The following ASTN2 variants were observed in gnomAD, a reference collection of about 807,000 sequenced individuals.
ASTN2 encodes the protein astrotactin-2.
In ASTN2, 54 loss-of-function variants were observed where a neutral mutation model predicts 139.8. The ratio of observed to expected loss-of-function variants is 0.39; its 90% confidence interval spans 0.31 to 0.48. The LOEUF (loss-of-function observed/expected upper bound fraction) is 0.48, where lower values mean the gene tolerates loss of function less well. Among genes scored for constraint, ASTN2 ranks in the 20% least tolerant of loss-of-function variants. ASTN2 has a pLI of 0.95. For missense variants in ASTN2, 1,565 were observed against 1,725.1 expected (o/e 0.91, Z 1.64); for synonymous variants, 756 against 719.5 (o/e 1.05, Z -0.81).
At chr9:116,481,614 C>G (rs1849171563) in intron 20 of ASTN2, among the ~76,000 whole-genome samples, 1 of 152,146 alleles carries the variant, frequency 6.6e-6, no homozygotes, top group South Asian at 2.1e-4. Flanking sequence ...TGTACACAAT[C>G]TTATGAAAAT....
intron 13 of ASTN2, among the ~76,000 whole-genome samples, chr9:116,794,996 G>A (rs1387897622): frequency 6.6e-6 from 1 of 152,164 alleles, no homozygotes; most frequent in African/African-American, 2.4e-5. Flanking sequence ...GGTTTTTTCA[G>A]ATGGAGTTTC....
chr9:116,818,972 T>A (rs1023550925), intron 12 of ASTN2, among the ~76,000 whole-genome samples: 4 of 152,164 alleles, frequency 2.6e-5, no homozygotes, highest in African/African-American at 9.7e-5. Flanking sequence ...TTCAGAATTA[T>A]CATTATATTA....
At chr9:116,606,951 T>TA (rs1855239555) in intron 19 of ASTN2, among the ~76,000 whole-genome samples, 1 of 152,188 alleles carries the variant, frequency 6.6e-6, no homozygotes, top group South Asian at 2.1e-4. Flanking sequence ...TCCTCAAAGA[T>TA]AAAACTCAAC....
At chr9:116,674,223 A>C (rs1205178964) in intron 16 of ASTN2, among the ~76,000 whole-genome samples, 1 of 152,204 alleles carries the variant, frequency 6.6e-6, no homozygotes, top group African/African-American at 2.4e-5. Context: ...TTGATGGATC[A>C]GCTGGCACTA....
intron 1 of ASTN2, among the ~76,000 whole-genome samples, chr9:117,403,921 G>GGAGGGGAGGTGGA (rs1451273438): frequency 6.6e-6 from 1 of 152,156 alleles, no homozygotes; most frequent in Non-Finnish European, 1.5e-5. Flanking sequence ...TTGCTGGGGA[G>GGAGGGGAGGTGGA]GAGGGGAGGT....
In ASTN2 at chr9:116,515,575, G is replaced by C. The variant is rs189183545; in HGVS notation, c.3356-28075C>G. On this transcript the variant is annotated intron_variant, in intron 19 of 22. Transcript: ENST00000313400. ...AGGGCATTACTGAGACTCAGAGCTG[G>C]GTGCCTGATATGCCATATAGGGATA... 2.4e-4 allele frequency among the ~76,000 whole-genome samples: 37 copies of C among 152,208 alleles called. 2 individuals carry two copies. The highest frequency in any genetic ancestry group is 8.2e-4 in the African/African-American group (34 of 41,538).
chr9:116,960,346 T>G (rs894276979), intron 10 of ASTN2, among the ~76,000 whole-genome samples: 2 of 152,220 alleles, frequency 1.3e-5, no homozygotes, highest in African/African-American at 4.8e-5. Context: ...GCTTAGACTA[T>G]GCATGCCAGC....
chr9:116,629,247 A>G (rs564967106), intron 17 of ASTN2, among the ~76,000 whole-genome samples: 22 of 151,200 alleles, frequency 1.5e-4, no homozygotes, highest in African/African-American at 5.3e-4. Flanking sequence ...CCTCTGGAGT[A>G]GCTGGGACTC....
At chr9:116,873,738 G>A (rs1213330204) in intron 10 of ASTN2, among the ~76,000 whole-genome samples, 1 of 152,170 alleles carries the variant, frequency 6.6e-6, no homozygotes, top group African/African-American at 2.4e-5. Context: ...GCAGAGTGGG[G>A]AGGCAGTGGA....
chr9:116,428,075 T>C (rs1588047505), intron 22 of ASTN2, among the ~76,000 whole-genome samples: 4 of 152,202 alleles, frequency 2.6e-5, no homozygotes, highest in Non-Finnish European at 4.4e-5. Flanking sequence ...GAGATGACAA[T>C]ACGAATGACA....
In ASTN2 at chr9:117,412,879, C is replaced by T. The variant is rs920822138; in HGVS notation, c.442+1618G>A. On this transcript the variant is annotated intron_variant, in intron 1 of 22. Transcript: ENST00000313400. ...TCCGGCGGCGCTCTAAGGAACACCA[C>T]CTCCACCCTCCTTCCCTTTCTCGGA... 9.8e-5 allele frequency among the ~76,000 whole-genome samples: 15 copies of T among 152,302 alleles called. No individual in the cohort carries two copies. In the East Asian group the frequency reaches 2.9e-3, roughly 29 times the overall value.
chr9:116,525,530 T>C (rs910083147), intron 19 of ASTN2, among the ~76,000 whole-genome samples: 48 of 152,274 alleles, frequency 3.2e-4, no homozygotes, highest in African/African-American at 1.1e-3. Flanking sequence ...GCCACTGTCA[T>C]ATATATAATC....
intron 6 of ASTN2, among the ~76,000 whole-genome samples, chr9:117,016,101 A>G (rs1363653070): frequency 2.0e-5 from 3 of 152,044 alleles, no homozygotes. Flanking sequence ...CCCAAGATCA[A>G]TTTTTACTTC....
At chr9:116,696,708 T>TA (rs1281555291) in intron 16 of ASTN2, among the ~76,000 whole-genome samples, 1 of 152,196 alleles carries the variant, frequency 6.6e-6, no homozygotes, top group Non-Finnish European at 1.5e-5. Context: ...TTGTCTTTTA[T>TA]AAAGTTTGAA....
chr9:116,899,266 A>C (rs2132401420), intron 10 of ASTN2, among the ~76,000 whole-genome samples: 1 of 152,282 alleles, frequency 6.6e-6, no homozygotes, highest in South Asian at 2.1e-4. Context: ...GCTGGAGTTA[A>C]ATCCAATCAG....
chr9:116,674,996 GCT>G (rs2131999685), intron 16 of ASTN2, among the ~76,000 whole-genome samples: 1 of 152,212 alleles, frequency 6.6e-6, no homozygotes, highest in Admixed American at 6.5e-5. Flanking sequence ...TGATGAATCG[GCT>G]CTGTCTACGC....
intron 10 of ASTN2, among the ~76,000 whole-genome samples, chr9:116,880,796 T>G (rs1228085095): frequency 6.6e-6 from 1 of 152,146 alleles, no homozygotes; most frequent in Non-Finnish European, 1.5e-5. Flanking sequence ...TCTTAAGGAC[T>G]TACTAGGTTC....
At chr9:116,647,830 G>A (rs535254125) in intron 17 of ASTN2, among the ~76,000 whole-genome samples, 9 of 152,078 alleles carry the variant, frequency 5.9e-5, no homozygotes, top group Non-Finnish European at 1.2e-4. Context: ...TTTATGTTTT[G>A]GAGACAGTGT....
intron 19 of ASTN2, among the ~76,000 whole-genome samples, chr9:116,523,109 C>G (rs1467315351): frequency 2.0e-5 from 3 of 152,128 alleles, no homozygotes; most frequent in African/African-American, 7.2e-5. Context: ...GAGACTCTTT[C>G]ATGACCTCAC....
Sources: gnomAD v4.1 joint callset for allele counts (sites outside exome capture counted in the v4.1 genomes callset) on GRCh38, gnomAD v4.1.1 for gene constraint, MANE v1.5 for transcripts, NCBI Gene and HGNC (gene_info 2026-07-23, HGNC 2026-07-21) for gene names.